PAM: variants seen among roughly 807,000 people sequenced by gnomAD.
PAM encodes peptidylglycine alpha-amidating monooxygenase.
A neutral mutation model predicts 122.1 loss-of-function variants in PAM; 72 were observed. That is an observed-to-expected ratio of 0.59 (90% confidence interval 0.49 to 0.72). The LOEUF (loss-of-function observed/expected upper bound fraction) is 0.72. Ranked by LOEUF, PAM falls within the 30% of genes least tolerant of loss-of-function variation. The probability of loss-of-function intolerance (pLI) is 0.00; values close to 1 mark genes in which losing one functional copy is unlikely to be tolerated. For missense variants in PAM, 1,106 were observed against 1,183.7 expected, an observed-to-expected ratio of 0.93 and a Z score of 0.96; for synonymous variants, 389 against 404.4, an observed-to-expected ratio of 0.96 and a Z score of 0.46.
intron 15 of PAM, among the ~76,000 whole-genome samples, chr5:102,978,703 C>T (rs1768604179): frequency 6.6e-6 from 1 of 151,992 alleles, no homozygotes; most frequent in South Asian, 2.1e-4. Flanking sequence ...ACAACTTATA[C>T]TTAATTTCAG....
chr5:102,956,952 G>T (rs898113046), intron 12 of PAM, among the ~76,000 whole-genome samples: 6 of 151,814 alleles, frequency 4.0e-5, no homozygotes, highest in Non-Finnish European at 8.8e-5. Context: ...ATATTAACAA[G>T]ATATTTTATA....
chr5:102,770,592 A>G (rs961527974), intron 1 of PAM, among the ~76,000 whole-genome samples: 2 of 152,096 alleles, frequency 1.3e-5, no homozygotes, highest in Admixed American at 1.3e-4. Context: ...GAATTTTATC[A>G]TATGCTTTTC....
Position 102,834,642 on chromosome 5 carries a change from C to T in PAM, c.-373-31181C>T, listed in dbSNP as rs114720298. Among the ~76,000 whole-genome samples, 917 of 152,154 alleles carry T rather than the reference C, an allele frequency of 6.0e-3. 7 individuals are homozygous for T. Among genetic ancestry groups the T allele is most frequent in the African/African-American group, 0.02 (842 of 41,504 alleles). On this transcript the variant is annotated intron_variant, in intron 1 of 25. Coordinates refer to ENST00000438793, the MANE Select transcript of PAM (RefSeq NM_001177306.2). Reference sequence around the variant, plus strand: ...TCTGAAGGGCAGTGAGAGAGGAAACCACATGGATACATTGGGTGAGCATAT... The same window carrying T: ...TCTGAAGGGCAGTGAGAGAGGAAACTACATGGATACATTGGGTGAGCATAT...
At chr5:102,787,512 A>C (rs1760854673) in intron 1 of PAM, among the ~76,000 whole-genome samples, 1 of 151,490 alleles carries the variant, frequency 6.6e-6, no homozygotes, top group South Asian at 2.1e-4. Context: ...CACTAAGCCC[A>C]GGAAATCTGT....
At chr5:102,795,113 C>T (rs1426480023) in intron 1 of PAM, among the ~76,000 whole-genome samples, 1 of 143,050 alleles carries the variant, frequency 7.0e-6, no homozygotes, top group Non-Finnish European at 1.5e-5. Flanking sequence ...TCACTTGAAC[C>T]CGGGAGGTTG....
At chr5:102,875,760 A>G (rs564122536) in intron 3 of PAM, among the ~76,000 whole-genome samples, 18 of 152,338 alleles carry the variant, frequency 1.2e-4, no homozygotes, top group Middle Eastern at 3.4e-3. Flanking sequence ...GAAAGCAGCT[A>G]TAGATACTAT....
intron 7 of PAM, among the ~76,000 whole-genome samples, chr5:102,946,488 G>C (rs918402190): frequency 1.3e-5 from 2 of 150,718 alleles, no homozygotes; most frequent in East Asian, 1.9e-4. Flanking sequence ...AACTATTTTA[G>C]TTCAGCAACT....
intron 2 of PAM, among the ~76,000 whole-genome samples, 187 bp from the exon 3 acceptor site, chr5:102,867,086 T>G (rs1785823875): frequency 6.6e-6 from 1 of 152,198 alleles, no homozygotes; most frequent in Non-Finnish European, 1.5e-5. Context: ...AGGTATATAT[T>G]GTTATTGGAC....
chr5:102,785,103 A>G (rs1032703640), intron 1 of PAM, among the ~76,000 whole-genome samples: 9 of 152,246 alleles, frequency 5.9e-5, no homozygotes, highest in African/African-American at 2.4e-5. Context: ...CATGTGCAGA[A>G]CATGCAGGTT....
intron 14 of PAM, among the ~76,000 whole-genome samples, chr5:102,963,846 TTAAA>T (rs1226776315): frequency 3.3e-5 from 5 of 150,710 alleles, no homozygotes; most frequent in South Asian, 4.1e-4. Flanking sequence ...CATATATATA[TTAAA>T]TAAATGCTAT....
intron 1 of PAM, among the ~76,000 whole-genome samples, chr5:102,756,119 A>G (rs956036732): frequency 1.3e-5 from 2 of 152,190 alleles, no homozygotes; most frequent in Admixed American, 6.5e-5. Flanking sequence ...CGCTGAGGGT[A>G]GTTGTGGGGC....
At chr5:102,989,118 CT>C (rs141694072) in intron 15 of PAM, among the ~76,000 whole-genome samples, 1,951 of 152,240 alleles carry the variant, frequency 0.013, 20 homozygotes, top group Non-Finnish European at 0.02. Context: ...GATACAATAG[CT>C]TTCATAGTCA....
intron 12 of PAM, among the ~76,000 whole-genome samples, chr5:102,953,175 A>C (rs1345996766): frequency 1.3e-5 from 2 of 152,170 alleles, no homozygotes; most frequent in African/African-American, 4.8e-5. Context: ...AACTGGAGAA[A>C]ACTTTGCTTG....
rs748345032 is a variant in PAM, at chr5:103,009,736, G to C, written c.2216-15G>C. 4 of 1,355,268 alleles carry C rather than the reference G, an allele frequency of 3.0e-6. No homozygotes were observed. The highest frequency in any genetic ancestry group is 4.2e-6 in the Non-Finnish European group (4 of 944,334). 84.0% of individuals were successfully genotyped at this position (1,355,268 alleles called of 1,614,324 possible). ...CCATATTTTAAAGAAAGGTTAACTG[G>C]ATTTGCTGTTGCAGGCTTGCTCTTT... On this transcript the variant is annotated splice_polypyrimidine_tract_variant and intron_variant, in intron 20 of 25. Coordinates refer to ENST00000438793, the MANE Select transcript of PAM (RefSeq NM_001177306.2).
chr5:102,949,517 T>G lies in PAM; in HGVS notation c.644-20T>G, dbSNP rs756501757. On this transcript the variant is annotated intron_variant, in intron 9 of 25. Coordinates refer to ENST00000438793, the MANE Select transcript of PAM (RefSeq NM_001177306.2). Reference sequence around the variant, plus strand: ...TTCCAGTTGAATAGTGACTTTTGTCTGTGTTTTCATTTCCCACAGTGGTGA... The same window carrying G: ...TTCCAGTTGAATAGTGACTTTTGTCGGTGTTTTCATTTCCCACAGTGGTGA... 1.6e-6 allele frequency: 2 copies of G among 1,226,478 alleles called. No homozygotes were observed. Among genetic ancestry groups the G allele is most frequent in the Middle Eastern group, 1.9e-4 (1 of 5,298 alleles). The allele number at this position is 1,226,478 out of a possible 1,614,324, so 76.0% of individuals were successfully genotyped here.
chr5:102,905,765 C>T (rs546491778), intron 4 of PAM, among the ~76,000 whole-genome samples: 56 of 151,764 alleles, frequency 3.7e-4, no homozygotes, highest in African/African-American at 1.4e-3. Context: ...TACCTTTCTG[C>T]TTCCAATGAG....
At chr5:102,928,229 G>A (rs1750272016) in intron 7 of PAM, among the ~76,000 whole-genome samples, 1 of 152,122 alleles carries the variant, frequency 6.6e-6, no homozygotes. Flanking sequence ...AGCGTTGTAA[G>A]GACCCCTAAC....
At chr5:102,969,740 A>G (rs1765255827) in intron 14 of PAM, among the ~76,000 whole-genome samples, 1 of 152,210 alleles carries the variant, frequency 6.6e-6, no homozygotes, top group African/African-American at 2.4e-5. Context: ...TTCAAATGAG[A>G]CAGACAGACA....
At chr5:102,811,792 C>T (rs1767985297) in intron 1 of PAM, among the ~76,000 whole-genome samples, 1 of 152,028 alleles carries the variant, frequency 6.6e-6, no homozygotes, top group African/African-American at 2.4e-5. Context: ...TGTAATCATC[C>T]CCAAGGATAT....
Sources: gnomAD v4.1 joint callset for allele counts (sites outside exome capture counted in the v4.1 genomes callset) on GRCh38, gnomAD v4.1.1 for gene constraint, MANE v1.5 for transcripts, NCBI Gene and HGNC (gene_info 2026-07-23, HGNC 2026-07-21) for gene names.